The following TTC7B variants were observed in gnomAD, a reference collection of about 807,000 sequenced individuals.
The protein encoded by TTC7B is tetratricopeptide repeat protein 7B.
A neutral mutation model predicts 106.8 loss-of-function variants in TTC7B; 28 were observed. That is an observed-to-expected ratio of 0.26 (90% CI 0.19 to 0.36). The LOEUF (loss-of-function observed/expected upper bound fraction) is 0.36. TTC7B is among the 10% of genes least tolerant of loss of function. TTC7B has a pLI of 1.00. For missense variants in TTC7B, 862 were observed against 1,076.4 expected (o/e 0.80, Z 2.79); for synonymous variants, 405 against 430.6 (o/e 0.94, Z 0.74).
chr14:90,766,697 CG>C, intron 3 of TTC7B: 1 of 1,432,702 alleles, frequency 7.0e-7, no homozygotes. Flanking sequence ...ACCAAGAGGG[CG>C]GGAGAACTCA....
intron 5 of TTC7B, among the ~76,000 whole-genome samples, chr14:90,702,189 C>T (rs1888018466): frequency 6.6e-6 from 1 of 152,192 alleles, no homozygotes; most frequent in Non-Finnish European, 1.5e-5. Context: ...GCCTGTGCCA[C>T]AGTTTCCTTA....
intron 15 of TTC7B, among the ~76,000 whole-genome samples, chr14:90,630,200 C>T (rs11627718): frequency 0.83 from 125,645 of 152,166 alleles, 52,677 homozygotes; most frequent in South Asian, 0.89. Context: ...TTTTTCATTG[C>T]ATTTGGGGGA....
chr14:90,613,620 T>C (rs1240542259), intron 16 of TTC7B, among the ~76,000 whole-genome samples: 1 of 152,228 alleles, frequency 6.6e-6, no homozygotes, highest in African/African-American at 2.4e-5. Flanking sequence ...GAAAGTCACC[T>C]TCCTCTCTCC....
Position 90,635,375 on chromosome 14 carries a change from T to C in TTC7B, c.1751+8673A>G, listed in dbSNP as rs1008773150. On this transcript the variant is annotated intron_variant, in intron 15 of 19. Coordinates refer to ENST00000328459, the MANE Select transcript of TTC7B (RefSeq NM_001010854.2). ...AGTCAAATAGAAAGCATAAATAGCA[T>C]GGTAGACACAAATATAAATATGTCA... 4.6e-5 allele frequency among the ~76,000 whole-genome samples: 7 copies of C among 152,128 alleles called. No individual in the cohort carries two copies. In the East Asian group the frequency reaches 1.3e-3, roughly 29 times the overall value.
chr14:90,604,950 A>G (rs1892577616), intron 17 of TTC7B, among the ~76,000 whole-genome samples: 1 of 152,212 alleles, frequency 6.6e-6, no homozygotes, highest in Admixed American at 6.5e-5. Flanking sequence ...CTTCACTGCA[A>G]ATGGAAAACA....
chr14:90,705,044 T>C (rs917651850), intron 5 of TTC7B, among the ~76,000 whole-genome samples: 18 of 152,180 alleles, frequency 1.2e-4, no homozygotes, highest in Admixed American at 5.9e-4. Flanking sequence ...CTCTAAGCCA[T>C]CCAGAGGAGC....
At chr14:90,716,021 G>A (rs12434645) in intron 5 of TTC7B, among the ~76,000 whole-genome samples, 21,803 of 152,146 alleles carry the variant, frequency 0.14, 1,722 homozygotes, top group Middle Eastern at 0.2. Context: ...AATGATACTT[G>A]TTAAGGCAGA....
rs1885413227 is a variant in TTC7B at position 90,645,645 on chromosome 14, T to C, written c.1590+1306A>G. 2.0e-5 allele frequency among the ~76,000 whole-genome samples: 3 copies of C among 152,166 alleles called. No homozygotes were observed. The South Asian group carries it at 6.2e-4, about 32-fold the overall frequency. The stretch of plus-strand genomic sequence containing the variant: ...TGAATAGCACTCAACCTGGTATTGA[T>C]GGGTGGGTCGAAAGGCAAAGCATAG... On this transcript the variant is annotated intron_variant, in intron 14 of 19. Coordinates refer to ENST00000328459, the MANE Select transcript of TTC7B (RefSeq NM_001010854.2).
At chr14:90,558,851 GC>G (rs1388975467) in intron 19 of TTC7B, among the ~76,000 whole-genome samples, 1 of 152,296 alleles carries the variant, frequency 6.6e-6, no homozygotes, top group East Asian at 1.9e-4. Context: ...TCTCCCCAGG[GC>G]CCCCAGGGCT....
At chr14:90,806,229 T>C (rs1034284685) in intron 1 of TTC7B, among the ~76,000 whole-genome samples, 1 of 152,174 alleles carries the variant, frequency 6.6e-6, no homozygotes, top group African/African-American at 2.4e-5. Flanking sequence ...CACCCCCACA[T>C]TCTGTGCTGG....
chr14:90,658,568 C>G (rs1239784540), intron 9 of TTC7B, among the ~76,000 whole-genome samples, 181 bp from the exon 10 acceptor site: 1 of 152,232 alleles, frequency 6.6e-6, no homozygotes, highest in South Asian at 2.1e-4. Flanking sequence ...GATGATGCAC[C>G]ATGCCGGTGG....
At chr14:90,697,289 TAGAC>T (rs773178618) in intron 5 of TTC7B, 2 of 152,272 alleles carry the variant, frequency 1.3e-5, no homozygotes, top group Non-Finnish European at 2.9e-5. Flanking sequence ...GTAAGCTACT[TAGAC>T]AGTTACAGAA....
At chr14:90,694,583 C>T (rs532778183) in intron 6 of TTC7B, among the ~76,000 whole-genome samples, 1 of 136,644 alleles carries the variant, frequency 7.3e-6, no homozygotes, top group Non-Finnish European at 1.6e-5. Flanking sequence ...ATGTATAATA[C>T]ATATATGTCA....
chr14:90,739,609 G>A (rs1314046575), intron 4 of TTC7B, among the ~76,000 whole-genome samples: 1 of 152,200 alleles, frequency 6.6e-6, no homozygotes, highest in Non-Finnish European at 1.5e-5. Flanking sequence ...GTAATATTTG[G>A]GGACCTGGTG....
intron 17 of TTC7B, chr14:90,603,154 G>T: frequency 2.4e-6 from 2 of 819,144 alleles, no homozygotes; most frequent in Non-Finnish European, 3.5e-6. Context: ...CGTCATCTCA[G>T]CATTCTCAGC....
chr14:90,657,123 T>C lies in TTC7B; in HGVS notation c.1341+51A>G, dbSNP rs1338632459. On this transcript the variant is annotated intron_variant, in intron 11 of 19. Transcript: ENST00000328459. The surrounding 1 kb of genome is among the most constrained non-coding windows in gnomAD (Gnocchi z 4.2). ...GCCTCGACATGAAAAAAATGGGCAG[T>C]CCTGGCCCAGAGTCCTCTGCAGGAG... The C allele has an allele frequency of 7.3e-6, 11 of 1,508,988 alleles. No homozygotes were observed. The highest frequency in any genetic ancestry group is 1.0e-5 in the Non-Finnish European group (11 of 1,090,190). 93.5% of individuals were successfully genotyped at this position (1,508,988 alleles called of 1,614,324 possible). A position where few individuals can be genotyped will look rare whatever the true frequency, so the allele number is the denominator to read the frequency against.
chr14:90,618,122 G>A, intron 15 of TTC7B, 77 bp from the exon 16 acceptor site: 3 of 1,067,090 alleles, frequency 2.8e-6, no homozygotes, highest in Non-Finnish European at 4.3e-6. Context: ...CAAGTGGTGG[G>A]CTTAGACCCA....
intron 1 of TTC7B, among the ~76,000 whole-genome samples, chr14:90,812,111 A>G (rs2030928523): frequency 1.3e-5 from 2 of 152,078 alleles, no homozygotes; most frequent in Non-Finnish European, 2.9e-5. Context: ...GTACCATCCC[A>G]CTGAATCCTC....
rs1890342627 is a variant in TTC7B, at chr14:90,757,511, C to T, written c.446-12589G>A. On this transcript the variant is annotated intron_variant, in intron 3 of 19. Coordinates refer to ENST00000328459, the MANE Select transcript of TTC7B (RefSeq NM_001010854.2). This position sits in a 1 kb window ranked among gnomAD's most constrained non-coding sequence, Gnocchi z 4.1. ...AAAAGATCGAGCTCTATCTTCTCTC[C>T]TGTCCTCTCTTTGCAAATGAGGAGA... Among the ~76,000 whole-genome samples the T allele has an allele frequency of 6.6e-6, 1 of 152,146 alleles. No individual in the cohort carries two copies. Among genetic ancestry groups the T allele is most frequent in the Non-Finnish European group, 1.5e-5 (1 of 68,026 alleles).
Sources: gnomAD v4.1 joint callset for allele counts (sites outside exome capture counted in the v4.1 genomes callset) on GRCh38, gnomAD v4.1.1 for gene constraint, Gnocchi (gnomAD v3.1) non-coding constraint, MANE v1.5 for transcripts, NCBI Gene and HGNC (gene_info 2026-07-23, HGNC 2026-07-21) for gene names.